ULK4: variants seen among roughly 807,000 people sequenced by gnomAD.
ULK4 encodes the protein inactive serine/threonine-protein kinase ULK4.
Under a neutral mutation model 160.6 loss-of-function variants are expected in ULK4, and 133 were observed. The ratio of observed to expected loss-of-function variants is 0.83; its 90% confidence interval spans 0.72 to 0.96. ULK4 has a LOEUF of 0.96. ULK4 is among the 40% of genes least tolerant of loss of function. The probability of loss-of-function intolerance (pLI) is 0.00; values close to 1 mark genes in which losing one functional copy is unlikely to be tolerated. For synonymous variants in ULK4, 534 were observed against 539.8 expected (o/e 0.99, Z 0.15); for missense variants, 1,580 against 1,499.5 (o/e 1.05, Z -0.89).
chr3:41,767,307 A>C (rs750076961), intron 21 of ULK4, among the ~76,000 whole-genome samples: 7 of 152,222 alleles, frequency 4.6e-5, no homozygotes, highest in Non-Finnish European at 1.0e-4. Flanking sequence ...CATTTCTTAC[A>C]TGATCCAGAG....
chr3:41,918,595 CTTTTTTTT>C (rs36064862), intron 6 of ULK4, 55 bp from the exon 7 acceptor site: 80 of 226,684 alleles, frequency 3.5e-4, no homozygotes, highest in East Asian at 4.7e-4. Context: ...ACCAATAATT[CTTTTTTTT>C]TTTTTTTTTT....
chr3:41,504,300 T>C (rs999351017), intron 32 of ULK4, among the ~76,000 whole-genome samples: 4 of 152,182 alleles, frequency 2.6e-5, no homozygotes, highest in African/African-American at 7.2e-5. Flanking sequence ...ACTGTCTCCC[T>C]CACCTAAAAC....
intron 35 of ULK4, among the ~76,000 whole-genome samples, chr3:41,294,895 A>G (rs537277079): frequency 1.2e-4 from 18 of 152,356 alleles, no homozygotes; most frequent in African/African-American, 3.6e-4. Context: ...CTATAGATTC[A>G]ATGCAATTGC....
chr3:41,579,034 A>G (rs143445963), intron 31 of ULK4, among the ~76,000 whole-genome samples: 26 of 152,158 alleles, frequency 1.7e-4, no homozygotes, highest in African/African-American at 5.8e-4. Context: ...AGTGTGTAAG[A>G]CTCATCTGAG....
chr3:41,331,051 C>T (rs1356671146), intron 35 of ULK4, among the ~76,000 whole-genome samples: 1 of 152,212 alleles, frequency 6.6e-6, no homozygotes, highest in Non-Finnish European at 1.5e-5. Flanking sequence ...TGGGCTGTTA[C>T]TAAACTCCCT....
chr3:41,552,416 G>A (rs118073083), intron 32 of ULK4, among the ~76,000 whole-genome samples: 372 of 151,848 alleles, frequency 2.4e-3, no homozygotes, highest in East Asian at 0.013. Context: ...AAAGTAGAAT[G>A]CAAAAATCAC....
intron 35 of ULK4, among the ~76,000 whole-genome samples, chr3:41,331,756 T>C (rs1421209408): frequency 6.6e-6 from 1 of 152,222 alleles, no homozygotes; most frequent in Non-Finnish European, 1.5e-5. Context: ...CTTAGTTTCA[T>C]CCATCTGGAT....
chr3:41,667,682 C>G (rs1427705320), intron 29 of ULK4, among the ~76,000 whole-genome samples: 1 of 152,166 alleles, frequency 6.6e-6, no homozygotes, highest in African/African-American at 2.4e-5. Context: ...GTTGACATAA[C>G]AGTACCCTGT....
intron 17 of ULK4, among the ~76,000 whole-genome samples, chr3:41,876,178 GA>G (rs58545183): frequency 0.31 from 47,307 of 151,818 alleles, 10,763 homozygotes; most frequent in African/African-American, 0.65. Flanking sequence ...AACAATTCTA[GA>G]AAAAAACATG....
chr3:41,458,068 G>A (rs527877598), intron 33 of ULK4, among the ~76,000 whole-genome samples: 1 of 152,272 alleles, frequency 6.6e-6, no homozygotes, highest in South Asian at 2.1e-4. Flanking sequence ...AGGGTGAGTG[G>A]GGCAGGGCTT....
At chr3:41,431,716 T>C (rs2082914147) in intron 34 of ULK4, among the ~76,000 whole-genome samples, 1 of 151,600 alleles carries the variant, frequency 6.6e-6, no homozygotes, top group East Asian at 1.9e-4. Context: ...TCATATCGAA[T>C]GTCAAATTAA....
chr3:41,404,719 G>A (rs1226805146), intron 34 of ULK4, among the ~76,000 whole-genome samples: 1 of 152,100 alleles, frequency 6.6e-6, no homozygotes, highest in African/African-American at 2.4e-5. Flanking sequence ...ACAAGTTTGG[G>A]CTCCCTGCTG....
intron 27 of ULK4, among the ~76,000 whole-genome samples, chr3:41,689,473 C>G (rs2036210072): frequency 1.3e-5 from 2 of 152,054 alleles, no homozygotes; most frequent in African/African-American, 2.4e-5. Flanking sequence ...CTCTGCACAG[C>G]AAAAGAAACT....
At chr3:41,525,893 G>A (rs775551175) in intron 32 of ULK4, among the ~76,000 whole-genome samples, 2 of 152,100 alleles carry the variant, frequency 1.3e-5, no homozygotes, top group Non-Finnish European at 2.9e-5. Context: ...TTAAATCACT[G>A]TTTCATTTCC....
At position 41,912,092 on chromosome 3, in the gene ULK4, C is replaced by G. The variant is rs1037149158; in HGVS notation, c.897-433G>C. 2.0e-5 allele frequency among the ~76,000 whole-genome samples: 3 copies of G among 152,088 alleles called. No individual in the cohort carries two copies. The South Asian group carries it at 6.2e-4, about 32-fold the overall frequency. ...CCTATAATCCTAACACTTTGGGAGG[C>G]CACAGCGGGCAAATCGCTTGAGGCC... On this transcript the variant is annotated intron_variant, in intron 9 of 36. Transcript: ENST00000301831.
chr3:41,733,528 T>C (rs907307168), intron 22 of ULK4, among the ~76,000 whole-genome samples: 1 of 151,990 alleles, frequency 6.6e-6, no homozygotes, highest in Admixed American at 6.6e-5. Context: ...CTTATATACA[T>C]ACTTAAAAAT....
intron 18 of ULK4, among the ~76,000 whole-genome samples, chr3:41,830,299 A>T (rs566228301): frequency 5.5e-4 from 83 of 152,244 alleles, no homozygotes; most frequent in African/African-American, 1.3e-3. Context: ...AGTATAATTT[A>T]AAAAAGGTAT....
intron 27 of ULK4, among the ~76,000 whole-genome samples, chr3:41,685,460 C>G (rs1344834752): frequency 1.3e-5 from 2 of 152,206 alleles, no homozygotes; most frequent in Non-Finnish European, 2.9e-5. Context: ...TAGTCATACT[C>G]TGTTGTTCTT....
chr3:41,953,296 A>ATATG (rs1700359200), intron 2 of ULK4, among the ~76,000 whole-genome samples: 1 of 113,868 alleles, frequency 8.8e-6, no homozygotes, highest in African/African-American at 4.0e-5. Flanking sequence ...ATATATATAT[A>ATATG]TATATATATT....
Sources: allele counts gnomAD v4.1 joint callset (sites outside exome capture counted in the v4.1 genomes callset), GRCh38; gene constraint gnomAD v4.1.1; transcripts MANE v1.5; gene names NCBI Gene and HGNC (gene_info 2026-07-23, HGNC 2026-07-21).